The following ZC3H12B variants were observed in gnomAD, a reference collection of about 807,000 sequenced individuals.
The protein encoded by ZC3H12B is zinc finger CCCH-type containing 12B.
ZC3H12B carries 7 observed loss-of-function variants against 43.9 expected under a neutral mutation model. The ratio of observed to expected loss-of-function variants is 0.16; its 90% CI spans 0.09 to 0.30. The LOEUF (loss-of-function observed/expected upper bound fraction) is 0.30. Among genes scored for constraint, ZC3H12B ranks in the 10% least tolerant of loss-of-function variants. The pLI is 1.00. For synonymous variants in ZC3H12B, 222 were observed against 241.7 expected (o/e 0.92, Z 0.76); for missense variants, 475 against 670.2 (o/e 0.71, Z 3.22).
chrX:65,469,780 A>G (rs2067881857), intron 3 of ZC3H12B: 1 of 115,854 alleles, frequency 8.6e-6, no homozygotes, highest in Non-Finnish European at 1.8e-5. Context: ...AGACCAGCCT[A>G]GCCAACATGG....
chrX:65,128,880 T>G, the ZC3H12B span, among the ~76,000 whole-genome samples: 1 of 111,788 alleles, frequency 8.9e-6, no homozygotes, highest in Non-Finnish European at 1.9e-5. Flanking sequence ...TTTCCATTGG[T>G]TAAGGTTTGC....
the ZC3H12B span, among the ~76,000 whole-genome samples, chrX:65,260,425 G>A: frequency 1.8e-5 from 2 of 110,977 alleles, no homozygotes; most frequent in African/African-American, 3.3e-5. Context: ...GAGGGTGTAG[G>A]GTGGGAAGAA....
chrX:65,078,309 A>G, the ZC3H12B span, among the ~76,000 whole-genome samples: 3 of 112,525 alleles, frequency 2.7e-5, no homozygotes, highest in Non-Finnish European at 5.6e-5. Flanking sequence ...TACAGCTGTG[A>G]GACTCAGTAC....
the ZC3H12B span, among the ~76,000 whole-genome samples, chrX:65,221,812 T>TA: frequency 6.4e-5 from 7 of 108,898 alleles, no homozygotes; most frequent in Non-Finnish European, 1.2e-4. Context: ...CCACAAGATA[T>TA]AAAAAAAAGG....
the ZC3H12B span, among the ~76,000 whole-genome samples, chrX:65,047,416 C>T: frequency 9.0e-6 from 1 of 110,846 alleles, no homozygotes; most frequent in Non-Finnish European, 1.9e-5. Flanking sequence ...CTTTTGTAAG[C>T]ACTCTGTGTA....
At chrX:65,129,721 A>G in the ZC3H12B span, among the ~76,000 whole-genome samples, 1 of 111,159 alleles carries the variant, frequency 9.0e-6, no homozygotes. Context: ...AAGAAAAATA[A>G]CATAAAATAG....
the ZC3H12B span, among the ~76,000 whole-genome samples, chrX:65,176,743 C>G: frequency 9.0e-5 from 10 of 111,128 alleles, no homozygotes; most frequent in Non-Finnish European, 1.9e-4. Flanking sequence ...AGGTCAAATC[C>G]CTGAACAGAC....
chrX:65,313,212 G>A, the ZC3H12B span, among the ~76,000 whole-genome samples: 2 of 111,613 alleles, frequency 1.8e-5, no homozygotes, highest in South Asian at 3.7e-4. Flanking sequence ...GAATTTTGAG[G>A]GGGGCACAAA....
chrX:65,443,799 C>T (rs1218659602), intron 3 of ZC3H12B, among the ~76,000 whole-genome samples: 1 of 112,605 alleles, frequency 8.9e-6, no homozygotes, highest in Non-Finnish European at 1.9e-5. Context: ...GTATTTATGG[C>T]CAGTTTTGGG....
chrX:65,247,190 C>T, the ZC3H12B span, among the ~76,000 whole-genome samples: 18 of 112,115 alleles, frequency 1.6e-4, no homozygotes, highest in Admixed American at 4.7e-4. Flanking sequence ...GCAATGAAGG[C>T]CATGTAACAA....
At chrX:65,262,995 G>C in the ZC3H12B span, among the ~76,000 whole-genome samples, 1 of 110,561 alleles carries the variant, frequency 9.0e-6, no homozygotes, top group African/African-American at 3.3e-5. Flanking sequence ...CATTTTTGAA[G>C]TCATATAAAC....
At chrX:65,230,161 T>G in the ZC3H12B span, among the ~76,000 whole-genome samples, 2 of 111,123 alleles carry the variant, frequency 1.8e-5, no homozygotes, top group Non-Finnish European at 3.8e-5. Flanking sequence ...ATAGACTGGA[T>G]TAAGAAAATG....
chrX:65,156,829 G>A, the ZC3H12B span, among the ~76,000 whole-genome samples: 22 of 111,493 alleles, frequency 2.0e-4, no homozygotes, highest in Admixed American at 1.1e-3. Flanking sequence ...TTTTGTTGTC[G>A]TTGTTGTTTT....
chrX:65,451,987 G>A (rs755368857), intron 3 of ZC3H12B, among the ~76,000 whole-genome samples: 20 of 111,707 alleles, frequency 1.8e-4, no homozygotes, highest in Non-Finnish European at 2.8e-4. Flanking sequence ...TGGTTTCAGC[G>A]TTGATGGTCA....
the ZC3H12B span, among the ~76,000 whole-genome samples, chrX:65,066,805 G>T: frequency 8.9e-6 from 1 of 111,963 alleles, no homozygotes; most frequent in Non-Finnish European, 1.9e-5. Context: ...CCCCTGACTG[G>T]GGCTGCTGCC....
At chrX:65,262,924 G>A in the ZC3H12B span, among the ~76,000 whole-genome samples, 6 of 110,416 alleles carry the variant, frequency 5.4e-5, no homozygotes, top group East Asian at 1.7e-3. Context: ...ATATGTTATA[G>A]GGATACAACT....
the ZC3H12B span, among the ~76,000 whole-genome samples, chrX:65,122,100 G>T: frequency 9.0e-6 from 1 of 111,201 alleles, no homozygotes; most frequent in Non-Finnish European, 1.9e-5. Flanking sequence ...GTGTGGTGTG[G>T]TGCTGAGAAG....
At chrX:65,072,374 T>C in the ZC3H12B span, among the ~76,000 whole-genome samples, 1 of 112,422 alleles carries the variant, frequency 8.9e-6, no homozygotes, top group South Asian at 3.7e-4. Context: ...ACATTTCTAA[T>C]GTTGTTTCTG....
At chrX:65,076,932 C>A in the ZC3H12B span, among the ~76,000 whole-genome samples, 2 of 111,346 alleles carry the variant, frequency 1.8e-5, no homozygotes, top group African/African-American at 3.3e-5. Flanking sequence ...AGTTAATGAT[C>A]TTTTCTCAGT....
Sources: allele counts gnomAD v4.1 joint callset (sites outside exome capture counted in the v4.1 genomes callset), GRCh38; gene constraint gnomAD v4.1.1; transcripts MANE v1.5; gene names NCBI Gene and HGNC (gene_info 2026-07-23, HGNC 2026-07-21).